The following RFNG variants were observed in gnomAD, a reference collection of about 807,000 sequenced individuals.
The protein encoded by RFNG is beta-1,3-N-acetylglucosaminyltransferase radical fringe.
A neutral mutation model predicts 29.6 loss-of-function variants in RFNG; 37 were observed. The observed-to-expected ratio is 1.25, with a 90% CI of 0.96 to 1.65. The LOEUF (loss-of-function observed/expected upper bound fraction) is 1.65, where lower values mean the gene tolerates loss of function less well. Among genes scored for constraint, RFNG ranks in the 40% most tolerant of loss-of-function variants. The pLI, the probability that RFNG is intolerant of heterozygous loss-of-function variation, is 0.00. For synonymous variants in RFNG, 276 were observed against 197.3 expected, an observed-to-expected ratio of 1.40 and a Z score of -3.34; for missense variants, 546 against 457.0, an observed-to-expected ratio of 1.19 and a Z score of -1.78.
chr17:82,049,123 G>T lies in RFNG; in HGVS notation c.829-7C>A, dbSNP rs779137624. The T allele has an allele frequency of 1.2e-6, 2 of 1,612,122 alleles. No homozygotes were observed. Among genetic ancestry groups the T allele is most frequent in the Non-Finnish European group, 1.7e-6 (2 of 1,178,912 alleles). ...CCCCATGGCTCAAGGTAACCTGGGA[G>T]GGAAGGGTGTGGGCAGAGTGTGTGG... On this transcript the variant is annotated splice_region_variant and splice_polypyrimidine_tract_variant and intron_variant, in intron 6 of 7. Coordinates refer to ENST00000310496, the MANE Select transcript of RFNG (RefSeq NM_002917.2).
intron 6 of RFNG, 146 bp from the exon 7 acceptor site, chr17:82,049,262 G>A (rs1183611076): frequency 2.7e-6 from 2 of 731,698 alleles, no homozygotes; most frequent in Non-Finnish European, 2.5e-6. Flanking sequence ...CAGCATTGAA[G>A]CATGGCATGA....
chr17:82,049,157 G>A, intron 6 of RFNG, 41 bp from the exon 7 acceptor site: 1 of 1,546,410 alleles, frequency 6.5e-7, no homozygotes, highest in Non-Finnish European at 8.9e-7. Flanking sequence ...GGCCTGGTCT[G>A]GTCTCGGGCC....
Position 82,050,420 on chromosome 17 carries a change from C to T in RFNG, c.555G>A (p.Arg185=), listed in dbSNP as rs764748148. The T allele has an allele frequency of 9.4e-6, 15 of 1,594,158 alleles. 1 individual carries two copies. In the South Asian group the frequency reaches 1.6e-4, roughly 17 times the overall value. The change falls in exon 4 of 8, where the codon AGG becomes AGA. Residue 185 remains arginine, a synonymous_variant. Transcript: ENST00000310496. ...CACTCACAGTTCTGCCACCCTGGAC[C>T]CTCTCGGTGGCCTCAATGGGGTGGT... The part of the protein sequence containing the change: ...SLDHPIEATE[R]VQGGRTVTTV...
Position 82,051,089 on chromosome 17 carries a change from A to T in RFNG, c.316+205T>A, listed in dbSNP as rs968000673. 15 of 1,367,134 alleles carry T rather than the reference A, an allele frequency of 1.1e-5. No homozygotes were observed. The African/African-American group carries it at 2.1e-4, about 19-fold the overall frequency. 84.7% of individuals were successfully genotyped at this position (1,367,134 alleles called of 1,614,324 possible). A position where few individuals can be genotyped will look rare whatever the true frequency, so the allele number is the denominator to read the frequency against. On this transcript the variant is annotated intron_variant, in intron 2 of 7. Coordinates refer to ENST00000310496, the MANE Select transcript of RFNG (RefSeq NM_002917.2). This position sits in a 1 kb window ranked among gnomAD's most constrained non-coding sequence, Gnocchi z 4.1. ...TAGCCCCACGCCCCGGGAAGCGGCTAGTGTGAGAGGCTGGTGGGGAGCAGA... is the reference window on the plus strand; with the variant it reads ...TAGCCCCACGCCCCGGGAAGCGGCTTGTGTGAGAGGCTGGTGGGGAGCAGA...
At position 82,050,665 on chromosome 17, in the gene RFNG, C is replaced by G; in HGVS notation, c.416G>C (p.Arg139Pro). The G allele has an allele frequency of 6.2e-7, 1 of 1,613,072 alleles. No individual in the cohort carries two copies. Among genetic ancestry groups the G allele is most frequent in the South Asian group, 1.1e-5 (1 of 91,082 alleles). ...VEYDKFIESG[R>P]KWFCHVDDDN... is the part of the protein sequence containing the mutation. ...GGGTCGGGTCAGCGCCGCGTACTTG[C>G]GCCCGGACTCAATGAACTTGTCATA... Residue 139 changes from arginine to proline, a missense_variant, in exon 3 of 8, where the codon CGC becomes CCC. Transcript: ENST00000310496.
At position 82,051,552 on chromosome 17, in the gene RFNG, C is replaced by A. The variant is rs757117555; in HGVS notation, c.215G>T (p.Gly72Val). 7.2e-7 allele frequency: 1 copy of A among 1,397,734 alleles called. No homozygotes were observed. The highest frequency in any genetic ancestry group is 9.3e-7 in the Non-Finnish European group (1 of 1,071,458). The allele number at this position is 1,397,734 out of a possible 1,614,324, so 86.6% of individuals were successfully genotyped here. ...IAVKTTRKNHGPRLRLLLRTW... is the reference protein window; with the variant it reads ...IAVKTTRKNHVPRLRLLLRTW... ...GCGCAGCAGCAGCCGCAGGCGCGGC[C>A]CGTGGTTCTTCCGGGTGGTCTTGAC... The change falls in exon 1 of 8, where the codon GGG becomes GTG. Residue 72 changes from glycine (G) to valine (V), a missense_variant. Transcript: ENST00000310496. This position sits in a 1 kb window ranked among gnomAD's most constrained non-coding sequence, Gnocchi z 4.1.
At position 82,051,693 on chromosome 17, in the gene RFNG, A is replaced by C; in HGVS notation, c.74T>G (p.Leu25Arg). 9.9e-7 allele frequency: 1 copy of C among 1,009,836 alleles called. No homozygotes were observed. Among genetic ancestry groups the C allele is most frequent in the Non-Finnish European group, 1.2e-6 (1 of 848,170 alleles). The allele number at this position is 1,009,836 out of a possible 1,614,324, so 62.6% of individuals were successfully genotyped here. Reference sequence around the variant, plus strand: ...GGGCGCGCGGGGCAGCGGCAGCGGCAGTAACAGCAGCGCGGCCAGGGCCGC... The same window carrying C: ...GGGCGCGCGGGGCAGCGGCAGCGGCCGTAACAGCAGCGCGGCCAGGGCCGC... Reference protein sequence around the residue: ...LAAALAALLLLPLPLPRAPAP... With the variant: ...LAAALAALLLRPLPLPRAPAP... Residue 25 changes from leucine to arginine, a missense_variant, in exon 1 of 8, where the codon CTG becomes CGG. Transcript: ENST00000310496. This position sits in a 1 kb window ranked among gnomAD's most constrained non-coding sequence, Gnocchi z 4.1.
At chr17:82,049,237 G>A (rs572069317) in intron 6 of RFNG, 121 bp from the exon 7 acceptor site, 8 of 796,712 alleles carry the variant, frequency 1.0e-5, no homozygotes, top group Non-Finnish European at 1.5e-5. Flanking sequence ...CCCTCGGGGA[G>A]GCCAGGCTTG....
Position 82,049,748 on chromosome 17 carries a change from G to C in RFNG, c.757C>G (p.Leu253Val). 1 of 1,520,546 alleles carries C rather than the reference G, an allele frequency of 6.6e-7. No homozygotes were observed. The highest frequency in any genetic ancestry group is 8.8e-7 in the Non-Finnish European group (1 of 1,137,658). 94.2% of individuals were successfully genotyped at this position (1,520,546 alleles called of 1,614,324 possible). A position where few individuals can be genotyped will look rare whatever the true frequency, so the allele number is the denominator to read the frequency against. The change falls in exon 6 of 8, where the codon CTG becomes GTG. Residue 253 changes from leucine to valine, a missense_variant. Coordinates refer to ENST00000310496, the MANE Select transcript of RFNG (RefSeq NM_002917.2). ...TGAGAGTGGAAGAGGGGGCTGTGCAGCAGGCGGGCGCCCAGGAGCCCCTCC... is the reference window on the plus strand; with the variant it reads ...TGAGAGTGGAAGAGGGGGCTGTGCACCAGGCGGGCGCCCAGGAGCCCCTCC... ...IVEGLLGARLLHSPLFHSHLE... is the reference protein window; with the variant it reads ...IVEGLLGARLVHSPLFHSHLE...
At chr17:82,050,220 C>T (rs2030269418) in intron 4 of RFNG, 182 bp downstream of exon 4, 2 of 826,436 alleles carry the variant, frequency 2.4e-6, no homozygotes, top group Non-Finnish European at 1.9e-6. Context: ...CCCCTCTCTG[C>T]CCAGTACGGT....
rs892392236 is a variant in RFNG, at chr17:82,051,079, G to C, written c.316+215C>G. Reference sequence around the variant, plus strand: ...GACGTGGCACTAGCCCCACGCCCCGGGAAGCGGCTAGTGTGAGAGGCTGGT... The same window carrying C: ...GACGTGGCACTAGCCCCACGCCCCGCGAAGCGGCTAGTGTGAGAGGCTGGT... On this transcript the variant is annotated intron_variant, in intron 2 of 7. Coordinates refer to ENST00000310496, the MANE Select transcript of RFNG (RefSeq NM_002917.2). This position sits in a 1 kb window ranked among gnomAD's most constrained non-coding sequence, Gnocchi z 4.1. The C allele has an allele frequency of 1.3e-5, 18 of 1,370,524 alleles. No individual in the cohort carries two copies. Among genetic ancestry groups the C allele is most frequent in the Admixed American group, 3.4e-5 (1 of 29,090 alleles). The allele number at this position is 1,370,524 out of a possible 1,614,324, so 84.9% of individuals were successfully genotyped here.
Position 82,051,267 on chromosome 17 carries a change from G to A in RFNG, c.316+27C>T. 1 of 1,352,466 alleles carries A rather than the reference G, an allele frequency of 7.4e-7. No individual in the cohort carries two copies. Among genetic ancestry groups the A allele is most frequent in the Non-Finnish European group, 9.5e-7 (1 of 1,049,462 alleles). 83.8% of individuals were successfully genotyped at this position (1,352,466 alleles called of 1,614,324 possible). On this transcript the variant is annotated intron_variant, in intron 2 of 7. Transcript: ENST00000310496. This position sits in a 1 kb window ranked among gnomAD's most constrained non-coding sequence, Gnocchi z 4.1. ...GAAAGGCTCGGGGGGCAGATCCCGC[G>A]GGCGCCGGGGAGTGGGGGACACTCA...
intron 2 of RFNG, 110 bp from the exon 3 acceptor site, chr17:82,050,874 T>C: frequency 4.2e-6 from 6 of 1,423,666 alleles, no homozygotes; most frequent in Non-Finnish European, 4.7e-6. Flanking sequence ...CTGTCTGACA[T>C]GCCTGGACAC....
intron 6 of RFNG, 149 bp from the exon 7 acceptor site, chr17:82,049,265 T>C (rs2030110930): frequency 1.4e-6 from 1 of 724,390 alleles, no homozygotes; most frequent in Non-Finnish European, 2.5e-6. Context: ...CATTGAAGCA[T>C]GGCATGAGCT....
Position 82,050,015 on chromosome 17 carries a change from G to T in RFNG, c.574-9C>A, listed in dbSNP as rs773976808. Reference sequence around the variant, plus strand: ...AACTTGACCGTGGTCACCTGAAGATGGGGTGGTGGTCAGAGCTGCCCAGGA... The same window carrying T: ...AACTTGACCGTGGTCACCTGAAGATTGGGTGGTGGTCAGAGCTGCCCAGGA... On this transcript the variant is annotated splice_polypyrimidine_tract_variant and intron_variant, in intron 4 of 7. Coordinates refer to ENST00000310496, the MANE Select transcript of RFNG (RefSeq NM_002917.2). The T allele has an allele frequency of 3.1e-6, 5 of 1,602,570 alleles. No homozygotes were observed. Among genetic ancestry groups the T allele is most frequent in the Non-Finnish European group, 4.3e-6 (5 of 1,174,248 alleles).
intron 3 of RFNG, 34 bp downstream of exon 3, chr17:82,050,628 T>C (rs781492265): frequency 6.2e-7 from 1 of 1,610,914 alleles, no homozygotes; most frequent in Admixed American, 1.7e-5. Context: ...AGCTTGGCTC[T>C]GAGCTCTCTG....
Position 82,051,528 on chromosome 17 carries a change from C to A in RFNG, c.239G>T (p.Arg80Leu). The A allele has an allele frequency of 2.1e-6, 3 of 1,398,116 alleles. No homozygotes were observed. The highest frequency in any genetic ancestry group is 1.5e-5 in the South Asian group (1 of 65,014). 86.6% of individuals were successfully genotyped at this position (1,398,116 alleles called of 1,614,324 possible). Residue 80 changes from arginine (R) to leucine (L), a missense_variant, in exon 1 of 8, where the codon CGC becomes CTC. Coordinates refer to ENST00000310496, the MANE Select transcript of RFNG (RefSeq NM_002917.2). This position sits in a 1 kb window ranked among gnomAD's most constrained non-coding sequence, Gnocchi z 4.1. Reference protein sequence around the residue: ...NHGPRLRLLLRTWISRARQQT... With the variant: ...NHGPRLRLLLLTWISRARQQT... ...CTGGCGGGCCCGGGAGATCCAGGTGCGCAGCAGCAGCCGCAGGCGCGGCCC... is the reference window on the plus strand; with the variant it reads ...CTGGCGGGCCCGGGAGATCCAGGTGAGCAGCAGCAGCCGCAGGCGCGGCCC...
Position 82,049,023 on chromosome 17 carries a change from C to T in RFNG, c.914+8G>A, listed in dbSNP as rs1316601616. 2 of 1,613,004 alleles carry T rather than the reference C, an allele frequency of 1.2e-6. No individual in the cohort carries two copies. Among genetic ancestry groups the T allele is most frequent in the African/African-American group, 1.3e-5 (1 of 75,044 alleles). ...GCCGAGGGCCTGCCCATGCCACTACCTACTCACCGTGTGGGGTCTTGATGC... is the reference window on the plus strand; with the variant it reads ...GCCGAGGGCCTGCCCATGCCACTACTTACTCACCGTGTGGGGTCTTGATGC... On this transcript the variant is annotated splice_region_variant and intron_variant, in intron 7 of 7. Transcript: ENST00000310496.
At position 82,047,972 on chromosome 17, in the gene RFNG, CCT is replaced by C. The variant is rs1324430182; in HGVS notation, c.*752_*753del. 2 of 152,306 alleles carry C rather than the reference CCT, an allele frequency of 1.3e-5. No homozygotes were observed. Among genetic ancestry groups the C allele is most frequent in the Non-Finnish European group, 2.9e-5 (2 of 68,118 alleles). The allele number at this position is 152,306 out of a possible 1,614,324, so 9.4% of individuals were successfully genotyped here. On this transcript the variant is annotated 3_prime_UTR_variant, in exon 8 of 8. Transcript: ENST00000310496. ...AGGAGGCAGAGGGGAGATGACGGCCCCTGTCCCATTTCCCTCCATGGAAGGCA... is the reference window on the plus strand; with the variant it reads ...AGGAGGCAGAGGGGAGATGACGGCCCGTCCCATTTCCCTCCATGGAAGGCA...
Sources: allele counts gnomAD v4.1 joint callset, GRCh38; gene constraint gnomAD v4.1.1; non-coding constraint Gnocchi (gnomAD v3.1); transcripts MANE v1.5; gene names NCBI Gene and HGNC (gene_info 2026-07-23, HGNC 2026-07-21).